Variants in SOX5 observed in about 807,000 individuals in gnomAD.
SOX5 encodes transcription factor SOX-5.
SOX5 carries 9 observed loss-of-function variants against 92.0 expected under a neutral mutation model. The ratio of observed to expected loss-of-function variants is 0.10; its 90% confidence interval spans 0.06 to 0.17. SOX5 has a LOEUF of 0.17. SOX5 is among the 10% of genes least tolerant of loss of function. The pLI is 1.00. For synonymous variants in SOX5, 344 were observed against 336.3 expected (o/e 1.02, Z -0.25); for missense variants, 642 against 944.5 (o/e 0.68, Z 4.20).
At chr12:24,072,723 A>G (rs1032625629) in intron 4 of SOX5, among the ~76,000 whole-genome samples, 2 of 152,248 alleles carry the variant, frequency 1.3e-5, no homozygotes, top group African/African-American at 4.8e-5. Flanking sequence ...CTCAAAGAGT[A>G]AAATAAATTA....
At chr12:24,312,099 T>G (rs1949237755) in intron 2 of SOX5, among the ~76,000 whole-genome samples, 1 of 152,220 alleles carries the variant, frequency 6.6e-6, no homozygotes, top group South Asian at 2.1e-4. Flanking sequence ...TCTTTTCAAC[T>G]AACATTGAGA....
intron 4 of SOX5, among the ~76,000 whole-genome samples, chr12:24,126,114 C>G (rs971664942): frequency 2.0e-5 from 3 of 152,148 alleles, no homozygotes; most frequent in Non-Finnish European, 2.9e-5. Context: ...CCCCCTCAGC[C>G]CATACCTTGA....
chr12:23,884,710 T>C (rs998281026), intron 2 of SOX5, among the ~76,000 whole-genome samples: 9 of 152,230 alleles, frequency 5.9e-5, no homozygotes, highest in Admixed American at 3.9e-4. Flanking sequence ...ACCCAAACTG[T>C]ATCATTTATT....
chr12:24,416,765 T>G (rs923278885), intron 1 of SOX5, among the ~76,000 whole-genome samples: 1 of 152,210 alleles, frequency 6.6e-6, no homozygotes, highest in South Asian at 2.1e-4. Context: ...AGCAAAGTTG[T>G]TACTAGCAAA....
chr12:23,927,261 T>G (rs1940211848), intron 1 of SOX5, among the ~76,000 whole-genome samples: 1 of 152,090 alleles, frequency 6.6e-6, no homozygotes. Flanking sequence ...TGGTAACTTC[T>G]ACTTACGGGA....
intron 2 of SOX5, among the ~76,000 whole-genome samples, chr12:23,860,292 C>G (rs369290646): frequency 3.2e-5 from 3 of 95,090 alleles, no homozygotes; most frequent in East Asian, 8.4e-4. Flanking sequence ...ACCCCCAAAC[C>G]TAAAATAAAT....
Position 24,369,644 on chromosome 12 carries a change from C to T in SOX5, c.-250-1005G>A, listed in dbSNP as rs115518836. ...TTTAATCTGTCTCCTTTTCTTAAAA[C>T]AAACCATAACTGTGAGTATAACAGC... On this transcript the variant is annotated intron_variant, in intron 1 of 4. Coordinates refer to the SOX5 transcript ENST00000446891. Among the ~76,000 whole-genome samples, 621 of 152,318 alleles carry T rather than the reference C, an allele frequency of 4.1e-3. 8 individuals are homozygous for T. Among genetic ancestry groups the T allele is most frequent in the African/African-American group, 0.014 (601 of 41,566 alleles).
intron 1 of SOX5, among the ~76,000 whole-genome samples, chr12:24,537,330 G>T (rs1209776399): frequency 6.6e-6 from 1 of 152,188 alleles, no homozygotes; most frequent in Non-Finnish European, 1.5e-5. Context: ...TAGCTGCCTA[G>T]AGTTTTTAGC....
chr12:23,675,848 A>G lies in SOX5; in HGVS notation c.811-10284T>C, dbSNP rs75239321. 2.4e-3 allele frequency among the ~76,000 whole-genome samples: 358 copies of G among 152,324 alleles called. 8 individuals carry two copies. In the East Asian group the frequency reaches 0.059, roughly 25 times the overall value. The stretch of plus-strand genomic sequence containing the variant: ...CTACAAAAATCAACAAAGGACCTGA[A>G]CAGACATTTTCCCAAAGAAAACATA... On this transcript the variant is annotated intron_variant, in intron 6 of 14. Transcript: ENST00000451604.
chr12:24,299,682 A>C (rs1947729199), intron 2 of SOX5, among the ~76,000 whole-genome samples: 1 of 152,244 alleles, frequency 6.6e-6, no homozygotes, highest in Admixed American at 6.5e-5. Context: ...CTGGCTCATG[A>C]ACGTGAATTC....
At position 24,167,908 on chromosome 12, in the gene SOX5, C is replaced by T. The variant is rs145245783; in HGVS notation, c.-2+45435G>A. Reference sequence around the variant, plus strand: ...GAAAGGGAAAGAGCCAGGGTGCAAACCCAGACATTTGCTGGTTCCTCAACG... The same window carrying T: ...GAAAGGGAAAGAGCCAGGGTGCAAATCCAGACATTTGCTGGTTCCTCAACG... On this transcript the variant is annotated intron_variant, in intron 4 of 4. Transcript: ENST00000446891. 1.4e-4 allele frequency among the ~76,000 whole-genome samples: 22 copies of T among 152,212 alleles called. No homozygotes were observed. In the East Asian group the frequency reaches 4.3e-3, roughly 29 times the overall value.
intron 3 of SOX5, chr12:23,762,392 T>C (rs2094585385): frequency 1.9e-5 from 7 of 374,888 alleles, no homozygotes; most frequent in Non-Finnish European, 3.3e-5. Flanking sequence ...CTGGGCAATG[T>C]AGCAAGATTC....
intron 1 of SOX5, among the ~76,000 whole-genome samples, chr12:23,922,227 G>A (rs1044497678): frequency 2.0e-5 from 3 of 151,928 alleles, no homozygotes; most frequent in African/African-American, 7.3e-5. Flanking sequence ...ACAGCTTCCT[G>A]TTCAGTCTTG....
chr12:24,457,086 T>C (rs1489614611), intron 1 of SOX5, among the ~76,000 whole-genome samples: 1 of 152,310 alleles, frequency 6.6e-6, no homozygotes, highest in East Asian at 1.9e-4. Flanking sequence ...GATTGAAATA[T>C]AATACTATTA....
intron 9 of SOX5, among the ~76,000 whole-genome samples, chr12:23,589,692 T>C (rs1182026810): frequency 6.7e-6 from 1 of 149,948 alleles, no homozygotes; most frequent in Non-Finnish European, 1.5e-5. Context: ...ACAGGTTAAA[T>C]AAGAACAAAT....
intron 4 of SOX5, among the ~76,000 whole-genome samples, chr12:24,073,394 T>C (rs1942061102): frequency 6.6e-6 from 1 of 152,204 alleles, no homozygotes; most frequent in East Asian, 1.9e-4. Flanking sequence ...ATGGACAATC[T>C]TGACTCTAAT....
rs1275824162 is a variant in SOX5, at chr12:23,737,888, T to C, written c.741+2979A>G. Among the ~76,000 whole-genome samples, 6 of 152,184 alleles carry C rather than the reference T, an allele frequency of 3.9e-5. No individual in the cohort carries two copies. The South Asian group carries it at 1.2e-3, about 31-fold the overall frequency. On this transcript the variant is annotated intron_variant, in intron 5 of 14. Transcript: ENST00000451604. ...GCTCAAATGTTCTCAGTCAAAAATG[T>C]CTTCCCTGAGCACCCATTTTAAAAG...
intron 4 of SOX5, among the ~76,000 whole-genome samples, chr12:24,179,298 T>G (rs1222477750): frequency 6.6e-6 from 1 of 152,230 alleles, no homozygotes; most frequent in Non-Finnish European, 1.5e-5. Context: ...GACATTTCAT[T>G]GCACACAGAT....
At chr12:24,434,495 A>C (rs2137091029) in intron 1 of SOX5, among the ~76,000 whole-genome samples, 1 of 152,144 alleles carries the variant, frequency 6.6e-6, no homozygotes, top group Non-Finnish European at 1.5e-5. Context: ...TGTACTCCTA[A>C]AGTTTTAGTC....
Sources: gnomAD v4.1 joint callset for allele counts (sites outside exome capture counted in the v4.1 genomes callset) on GRCh38, gnomAD v4.1.1 for gene constraint, MANE v1.5 for transcripts, NCBI Gene and HGNC (gene_info 2026-07-23, HGNC 2026-07-21) for gene names.